POM121: variants seen among roughly 807,000 people sequenced by gnomAD.
The protein encoded by POM121 is POM121 transmembrane nucleoporin.
A neutral mutation model predicts 81.3 loss-of-function variants in POM121; 32 were observed. The observed-to-expected ratio is 0.39, with a 90% CI of 0.30 to 0.53. The LOEUF is 0.53. Ranked by LOEUF, POM121 falls within the 20% of genes least tolerant of loss-of-function variation. POM121 has a pLI of 0.66. For synonymous variants in POM121, 514 were observed against 694.2 expected, an observed-to-expected ratio of 0.74 and a Z score of 4.08; for missense variants, 1,138 against 1,614.6, an observed-to-expected ratio of 0.70 and a Z score of 5.06.
chr7:72,895,883 T>G (rs2129575185), intron 3 of POM121, among the ~76,000 whole-genome samples: 1 of 151,414 alleles, frequency 6.6e-6, no homozygotes, highest in South Asian at 2.1e-4. Context: ...TACTCCAGCC[T>G]GGGTGACAGA....
chr7:72,923,583 C>G (rs1397947100), upstream of POM121, among the ~76,000 whole-genome samples: 2 of 147,894 alleles, frequency 1.4e-5, no homozygotes, highest in Non-Finnish European at 3.0e-5. Context: ...CCACCACGCC[C>G]GGCTAATTTT....
At chr7:72,935,945 TATG>T (rs1241936988) in intron 5 of POM121, among the ~76,000 whole-genome samples, 1 of 152,040 alleles carries the variant, frequency 6.6e-6, no homozygotes, top group African/African-American at 2.4e-5. Context: ...CACTCAGGTC[TATG>T]ATAATGAGTT....
chr7:72,901,480 G>C (rs1330698926), intron 3 of POM121, among the ~76,000 whole-genome samples: 2 of 151,544 alleles, frequency 1.3e-5, no homozygotes, highest in African/African-American at 4.9e-5. Flanking sequence ...TCAGCCTCCA[G>C]AGTAGCTGGG....
intron 3 of POM121, among the ~76,000 whole-genome samples, chr7:72,898,815 A>AT (rs1220534983): frequency 8.6e-5 from 13 of 150,926 alleles, no homozygotes; most frequent in African/African-American, 2.9e-4. Context: ...AAAAAAAAAA[A>AT]AATGCTGGAG....
downstream of POM121, chr7:72,949,811 A>T: frequency 8.1e-7 from 1 of 1,228,996 alleles, no homozygotes; most frequent in African/African-American, 1.5e-5. Flanking sequence ...ACAAAATCAA[A>T]CCCCATGTCC....
intron 3 of POM121, among the ~76,000 whole-genome samples, chr7:72,900,463 G>C (rs2129575531): frequency 6.6e-6 from 1 of 150,564 alleles, no homozygotes; most frequent in South Asian, 2.1e-4. Flanking sequence ...TTTTTTAAAT[G>C]TTTCTATTTT....
intron 3 of POM121, among the ~76,000 whole-genome samples, chr7:72,906,405 G>A (rs1554493452): frequency 6.6e-6 from 1 of 152,224 alleles, no homozygotes. Flanking sequence ...CTCAGGAATT[G>A]GGGAGTGTTG....
intron 3 of POM121, among the ~76,000 whole-genome samples, chr7:72,908,439 G>A (rs182523976): frequency 1.2e-4 from 18 of 152,306 alleles, no homozygotes; most frequent in Admixed American, 3.3e-4. Flanking sequence ...GGCAAATGGA[G>A]GCAGGGCGAG....
intron 3 of POM121, among the ~76,000 whole-genome samples, chr7:72,899,084 G>A (rs2129575430): frequency 7.2e-6 from 1 of 139,216 alleles, no homozygotes; most frequent in African/African-American, 2.6e-5. Flanking sequence ...CTCAGTTCAA[G>A]CAATTCTCTG....
chr7:72,919,667 A>T (rs1479290319), intron 4 of POM121, among the ~76,000 whole-genome samples: 7 of 152,106 alleles, frequency 4.6e-5, no homozygotes, highest in Admixed American at 2.6e-4. Context: ...TTTTTTTTAG[A>T]GACAGGTTCT....
chr7:72,919,205 C>CTTT (rs782471353), intron 4 of POM121, among the ~76,000 whole-genome samples: 31 of 111,346 alleles, frequency 2.8e-4, no homozygotes, highest in Non-Finnish European at 4.8e-4. Flanking sequence ...CATGCCCAGC[C>CTTT]TTTTTTTTTT....
At chr7:72,949,862 G>T (rs375120797), downstream of POM121, 5 of 1,584,900 alleles carry the variant, frequency 3.2e-6, no homozygotes, top group Non-Finnish European at 4.3e-6. Context: ...TTCTTCAGAA[G>T]AGCAGCCAAG....
chr7:72,912,945 G>T (rs1429627212), intron 3 of POM121, among the ~76,000 whole-genome samples: 1 of 152,162 alleles, frequency 6.6e-6, no homozygotes, highest in Admixed American at 6.5e-5. Context: ...AGAAGCACAT[G>T]ACGCAGACTC....
intron 5 of POM121, among the ~76,000 whole-genome samples, chr7:72,934,731 G>A (rs1202996230): frequency 1.3e-5 from 2 of 152,022 alleles, no homozygotes; most frequent in Non-Finnish European, 2.9e-5. Context: ...TGTTGTTGTT[G>A]TTGTTTTTTA....
chr7:72,925,092 T>C, upstream of POM121: 1 of 1,392,096 alleles, frequency 7.2e-7, no homozygotes, highest in Non-Finnish European at 9.2e-7. Context: ...CGCTGGGATA[T>C]TTAAGTCTCC....
chr7:72,948,531 C>A (rs1554503889), downstream of POM121: 1 of 1,613,510 alleles, frequency 6.2e-7, no homozygotes, highest in East Asian at 2.2e-5. Flanking sequence ...TTTTTGCTCT[C>A]TTCTTTCTCT....
intron 3 of POM121, 116 bp downstream of exon 3, chr7:72,927,079 C>A: frequency 6.5e-7 from 1 of 1,527,010 alleles, no homozygotes; most frequent in Non-Finnish European, 9.0e-7. Context: ...CTTCGTAGGC[C>A]CCCTTCTTTG....
downstream of POM121, chr7:72,950,058 CCT>C (rs1797958416): frequency 6.4e-7 from 1 of 1,564,312 alleles, no homozygotes; most frequent in Admixed American, 1.7e-5. Flanking sequence ...TCTTGCCTAC[CCT>C]GTCCTGCAGA....
At chr7:72,936,495 T>C (rs1299392404) in intron 5 of POM121, among the ~76,000 whole-genome samples, 27 of 150,922 alleles carry the variant, frequency 1.8e-4, no homozygotes, top group Non-Finnish European at 3.5e-4. Context: ...GCCAGGATGG[T>C]CTCAATCTCC....
Sources: allele counts gnomAD v4.1 joint callset (sites outside exome capture counted in the v4.1 genomes callset), GRCh38; gene constraint gnomAD v4.1.1; transcripts MANE v1.5; gene names NCBI Gene and HGNC (gene_info 2026-07-23, HGNC 2026-07-21).